GRM5: variants seen among roughly 807,000 people sequenced by gnomAD.
The protein encoded by GRM5 is glutamate metabotropic receptor 5, also known as metabotropic glutamate receptor 5.
In GRM5, 19 loss-of-function variants were observed where a neutral mutation model predicts 83.1. The observed-to-expected ratio is 0.23, with a 90% CI of 0.16 to 0.34. The LOEUF (loss-of-function observed/expected upper bound fraction) is 0.34. Among genes scored for constraint, GRM5 ranks in the 10% least tolerant of loss-of-function variants. The probability of loss-of-function intolerance (pLI) is 1.00; values close to 1 mark genes in which losing one functional copy is unlikely to be tolerated. For missense variants in GRM5, 1,160 were observed against 1,588.3 expected, an observed-to-expected ratio of 0.73 and a Z score of 4.58; for synonymous variants, 675 against 633.6, an observed-to-expected ratio of 1.07 and a Z score of -0.98.
At chr11:88,792,620 T>A (rs1943197457) in intron 3 of GRM5, among the ~76,000 whole-genome samples, 2 of 152,110 alleles carry the variant, frequency 1.3e-5, no homozygotes, top group African/African-American at 4.8e-5. Context: ...AAAAAAGTTA[T>A]CTTAAAGATG....
chr11:88,994,414 A>AC (rs1940099714), intron 2 of GRM5, among the ~76,000 whole-genome samples: 1 of 149,242 alleles, frequency 6.7e-6, no homozygotes, highest in Non-Finnish European at 1.5e-5. Context: ...TGACACAAAA[A>AC]CCCATTATTA....
intron 3 of GRM5, among the ~76,000 whole-genome samples, chr11:88,795,908 T>A (rs994330323): frequency 6.6e-6 from 1 of 152,072 alleles, no homozygotes; most frequent in Non-Finnish European, 1.5e-5. Flanking sequence ...GCTTTCTTGA[T>A]AAAAAAAGAA....
chr11:88,839,088 C>T (rs1012380964), intron 3 of GRM5, among the ~76,000 whole-genome samples: 3 of 152,172 alleles, frequency 2.0e-5, no homozygotes, highest in African/African-American at 7.2e-5. Flanking sequence ...GCCACCCCTT[C>T]CCACATTTTT....
At chr11:88,943,186 ATG>A (rs1938168917) in intron 2 of GRM5, among the ~76,000 whole-genome samples, 1 of 152,128 alleles carries the variant, frequency 6.6e-6, no homozygotes, top group Admixed American at 6.6e-5. Flanking sequence ...GTCTTCTGTC[ATG>A]TGTTAGGCAA....
chr11:88,876,900 T>C (rs1367340682), intron 2 of GRM5, among the ~76,000 whole-genome samples: 1 of 152,002 alleles, frequency 6.6e-6, no homozygotes, highest in African/African-American at 2.4e-5. Flanking sequence ...AAGAATGAAA[T>C]GGTGTTATTT....
intron 4 of GRM5, among the ~76,000 whole-genome samples, chr11:88,617,156 A>G (rs1938507046): frequency 6.6e-6 from 1 of 152,172 alleles, no homozygotes. Context: ...TTACAGCAGG[A>G]TCTGTTAGGT....
At chr11:88,608,086 A>G (rs1047965217) in intron 4 of GRM5, among the ~76,000 whole-genome samples, 2 of 152,152 alleles carry the variant, frequency 1.3e-5, no homozygotes, top group East Asian at 1.9e-4. Context: ...GTTACATGCA[A>G]TTGAGACTCC....
intron 3 of GRM5, among the ~76,000 whole-genome samples, chr11:88,656,481 T>C (rs2135311184): frequency 6.6e-6 from 1 of 152,306 alleles, no homozygotes; most frequent in East Asian, 1.9e-4. Context: ...GTGGTACACA[T>C]TTGAGACTAC....
chr11:88,662,750 G>A (rs1394126807), intron 3 of GRM5, among the ~76,000 whole-genome samples: 2 of 152,164 alleles, frequency 1.3e-5, no homozygotes, highest in East Asian at 3.9e-4. Flanking sequence ...GAGCTACAGG[G>A]AAAGGAATGC....
chr11:88,643,013 C>G (rs1445338235), intron 4 of GRM5, among the ~76,000 whole-genome samples: 1 of 151,958 alleles, frequency 6.6e-6, no homozygotes, highest in Non-Finnish European at 1.5e-5. Context: ...AGCAATGTCC[C>G]ACTCCTTGAT....
rs912523308 is a variant in GRM5 at position 89,065,826 on chromosome 11, T to G, written c.-251A>C. On this transcript the variant is annotated 5_prime_UTR_variant, in exon 1 of 10. Coordinates refer to ENST00000305447, the MANE Select transcript of GRM5 (RefSeq NM_001143831.3). ...CCCCAGGCAGCCGCTCCTCGAGGGC[T>G]TCCTGCGCTCTCGTAGCGGCCTTGG... 4 of 152,276 alleles carry G rather than the reference T, an allele frequency of 2.6e-5. No homozygotes were observed. The highest frequency in any genetic ancestry group is 5.9e-5 in the Non-Finnish European group (4 of 68,078). The allele number at this position is 152,276 out of a possible 1,614,324, so 9.4% of individuals were successfully genotyped here. A position where few individuals can be genotyped will look rare whatever the true frequency, so the allele number is the denominator to read the frequency against.
chr11:88,806,791 A>G (rs1170096794), intron 3 of GRM5, among the ~76,000 whole-genome samples: 1 of 152,070 alleles, frequency 6.6e-6, no homozygotes, highest in Non-Finnish European at 1.5e-5. Flanking sequence ...AACTTTCCCC[A>G]TCTTTTTATA....
chr11:88,998,734 G>A (rs767000582), intron 2 of GRM5, among the ~76,000 whole-genome samples: 1 of 152,142 alleles, frequency 6.6e-6, no homozygotes, highest in Non-Finnish European at 1.5e-5. Flanking sequence ...GTTCAGCAAA[G>A]CTTCAGTATT....
chr11:88,966,891 C>T (rs1463153795), intron 2 of GRM5, among the ~76,000 whole-genome samples: 3 of 152,064 alleles, frequency 2.0e-5, no homozygotes, highest in Admixed American at 2.0e-4. Context: ...ATGGAATAAA[C>T]ATGAAGCATA....
intron 2 of GRM5, among the ~76,000 whole-genome samples, chr11:89,000,057 G>C (rs1402850299): frequency 6.6e-6 from 1 of 152,082 alleles, no homozygotes; most frequent in Admixed American, 6.5e-5. Context: ...ATGGACACAG[G>C]AAGGGGAACA....
intron 3 of GRM5, among the ~76,000 whole-genome samples, chr11:88,658,899 CAGGT>C (rs1391073405): frequency 6.6e-6 from 1 of 152,072 alleles, no homozygotes; most frequent in Non-Finnish European, 1.5e-5. Flanking sequence ...CTTTGTCATA[CAGGT>C]AGTGGGGAAC....
At position 88,505,942 on chromosome 11, in the gene GRM5, TG is replaced by T. The variant is rs1941173366; in HGVS notation, c.*2649del. The stretch of plus-strand genomic sequence containing the variant: ...TACTGTAGAGTTATTACTTGGAACC[TG>T]GTATTAGAATTGGCAAAGAGACAGA... On this transcript the variant is annotated 3_prime_UTR_variant, in exon 10 of 10. Transcript: ENST00000305447. The T allele has an allele frequency of 2.0e-5, 3 of 152,186 alleles. 1 individual carries two copies. Among genetic ancestry groups the T allele is most frequent in the African/African-American group, 7.2e-5 (3 of 41,454 alleles). The allele number at this position is 152,186 out of a possible 1,614,324, so 9.4% of individuals were successfully genotyped here. A position where few individuals can be genotyped will look rare whatever the true frequency, so the allele number is the denominator to read the frequency against.
At chr11:89,014,380 G>C (rs16912859) in intron 2 of GRM5, among the ~76,000 whole-genome samples, 1 of 152,060 alleles carries the variant, frequency 6.6e-6, no homozygotes, top group South Asian at 2.1e-4. Context: ...AAAGCACAAA[G>C]ACAATTTGCT....
At chr11:89,045,760 C>A (rs1348309860) in intron 2 of GRM5, among the ~76,000 whole-genome samples, 1 of 152,156 alleles carries the variant, frequency 6.6e-6, no homozygotes, top group African/African-American at 2.4e-5. Flanking sequence ...TAATAAAATG[C>A]ATGATTTATT....
Sources: allele counts gnomAD v4.1 joint callset (sites outside exome capture counted in the v4.1 genomes callset), GRCh38; gene constraint gnomAD v4.1.1; transcripts MANE v1.5; gene names NCBI Gene and HGNC (gene_info 2026-07-23, HGNC 2026-07-21).